RSF1: variants seen among roughly 807,000 people sequenced by gnomAD.
RSF1 encodes the protein HBV pX-associated protein 8.
RSF1 carries 13 observed loss-of-function variants against 145.2 expected under a neutral mutation model. The ratio of observed to expected loss-of-function variants is 0.09; its 90% CI spans 0.06 to 0.14. The LOEUF (loss-of-function observed/expected upper bound fraction) is 0.14. Among genes scored for constraint, RSF1 ranks in the 10% least tolerant of loss-of-function variants. The pLI is 1.00. For missense variants in RSF1, 1,517 were observed against 1,718.2 expected (o/e 0.88, Z 2.07); for synonymous variants, 577 against 592.6 (o/e 0.97, Z 0.38).
chr11:77,750,099 TA>T (rs796433231), intron 2 of RSF1, among the ~76,000 whole-genome samples: 1,453 of 144,086 alleles, frequency 0.01, 6 homozygotes, highest in Middle Eastern at 0.018. Flanking sequence ...CATTTGATGT[TA>T]AAAAAAAAAA....
Position 77,716,214 on chromosome 11 carries a change from C to T in RSF1, c.733+9331G>A, listed in dbSNP as rs550926698. On this transcript the variant is annotated intron_variant, in intron 5 of 15. Transcript: ENST00000308488. ...ACAGCCATATAGGAAACAGTATGGA[C>T]GTTCCTCAAAAAATTAAAAATATTA... Among the ~76,000 whole-genome samples, 7 of 151,864 alleles carry T rather than the reference C, an allele frequency of 4.6e-5. No individual in the cohort carries two copies. The South Asian group carries it at 8.3e-4, about 18-fold the overall frequency.
chr11:77,738,376 T>C (rs2135906927), intron 4 of RSF1, among the ~76,000 whole-genome samples: 1 of 152,294 alleles, frequency 6.6e-6, no homozygotes, highest in South Asian at 2.1e-4. Flanking sequence ...GTTAATACAA[T>C]AAAAATACAA....
rs115678098 is a variant in RSF1, at chr11:77,719,147, T to C, written c.733+6398A>G. On this transcript the variant is annotated intron_variant, in intron 5 of 15. Transcript: ENST00000308488. ...CTGTAGTCCCAGCGAGGCAGGAGGA[T>C]CCCTTGAGCCCAGGAAATGGAGGTT... Among the ~76,000 whole-genome samples the C allele has an allele frequency of 4.3e-3, 658 of 152,120 alleles. 4 individuals carry two copies. Among genetic ancestry groups the C allele is most frequent in the African/African-American group, 0.015 (623 of 41,486 alleles).
At chr11:77,804,673 G>GA (rs1311974830) in intron 1 of RSF1, among the ~76,000 whole-genome samples, 7 of 150,732 alleles carry the variant, frequency 4.6e-5, no homozygotes, top group East Asian at 3.9e-4. Flanking sequence ...TCCATCTCTA[G>GA]AAAAAAAAAA....
At chr11:77,792,395 G>A (rs1447082788) in intron 1 of RSF1, among the ~76,000 whole-genome samples, 3 of 152,114 alleles carry the variant, frequency 2.0e-5, no homozygotes, top group Non-Finnish European at 4.4e-5. Flanking sequence ...TGCCCTACTG[G>A]CATCTGAGTA....
chr11:77,797,599 T>C (rs1948585478), intron 1 of RSF1, among the ~76,000 whole-genome samples: 1 of 152,152 alleles, frequency 6.6e-6, no homozygotes, highest in East Asian at 1.9e-4. Flanking sequence ...GACATAGGCA[T>C]GGGCAAAGAC....
chr11:77,720,098 G>A (rs940182151), intron 5 of RSF1, among the ~76,000 whole-genome samples: 2 of 152,104 alleles, frequency 1.3e-5, no homozygotes, highest in African/African-American at 4.8e-5. Context: ...TCACTAAAAT[G>A]GTGAATTTTA....
chr11:77,753,290 A>G (rs1948082724), intron 2 of RSF1, among the ~76,000 whole-genome samples: 1 of 152,188 alleles, frequency 6.6e-6, no homozygotes, highest in African/African-American at 2.4e-5. Flanking sequence ...TAGCGAAAAA[A>G]TTATGACAAT....
intron 1 of RSF1, among the ~76,000 whole-genome samples, chr11:77,771,313 A>C (rs944463679): frequency 6.6e-6 from 1 of 152,228 alleles, no homozygotes; most frequent in Admixed American, 6.5e-5. Flanking sequence ...CACACGGTTA[A>C]AACCATCAGG....
At chr11:77,683,032 C>T (rs917167399) in intron 11 of RSF1, among the ~76,000 whole-genome samples, 1 of 152,000 alleles carries the variant, frequency 6.6e-6, no homozygotes, top group Non-Finnish European at 1.5e-5. Flanking sequence ...GTGGCTCATG[C>T]CTGTAATCCC....
At chr11:77,814,192 T>A (rs1290641440) in intron 1 of RSF1, among the ~76,000 whole-genome samples, 3 of 69,294 alleles carry the variant, frequency 4.3e-5, no homozygotes, top group Non-Finnish European at 7.8e-5. Context: ...AGAGCGAGAC[T>A]GTCTCAAAAA....
the RSF1 span, among the ~76,000 whole-genome samples, chr11:77,840,684 C>G: frequency 6.6e-6 from 1 of 152,182 alleles, no homozygotes; most frequent in Non-Finnish European, 1.5e-5. Context: ...GCTGGGATTA[C>G]AGGCATGAGC....
intron 1 of RSF1, among the ~76,000 whole-genome samples, chr11:77,780,802 G>C (rs896200256): frequency 6.9e-6 from 1 of 143,974 alleles, no homozygotes; most frequent in Non-Finnish European, 1.5e-5. Context: ...TACAGCCTGG[G>C]TGACAGAGCG....
chr11:77,667,887 T>G (rs1382753916), intron 15 of RSF1, among the ~76,000 whole-genome samples: 4 of 152,052 alleles, frequency 2.6e-5, no homozygotes, highest in Non-Finnish European at 5.9e-5. Flanking sequence ...GTATTTTTAG[T>G]AGAGACGGGG....
At chr11:77,704,359 C>T (rs1419301196) in intron 5 of RSF1, among the ~76,000 whole-genome samples, 1 of 152,122 alleles carries the variant, frequency 6.6e-6, no homozygotes, top group Non-Finnish European at 1.5e-5. Context: ...CAACCCAATA[C>T]TAAGTGTGGC....
Position 77,805,217 on chromosome 11 carries a change from C to T in RSF1, c.187+15311G>A, listed in dbSNP as rs73493884. ...CAGGGCACAGGCTCGTGCCTGTACT[C>T]CCCATGCTTTGGAGGCTGAGGTGGG... is the stretch of plus-strand genomic sequence containing the variant. On this transcript the variant is annotated intron_variant, in intron 1 of 15. Coordinates refer to ENST00000308488, the MANE Select transcript of RSF1 (RefSeq NM_016578.4). Among the ~76,000 whole-genome samples the T allele has an allele frequency of 1.8e-3, 272 of 152,184 alleles. 2 individuals carry two copies. Among genetic ancestry groups the T allele is most frequent in the Middle Eastern group, 6.8e-3 (2 of 294 alleles).
intron 1 of RSF1, among the ~76,000 whole-genome samples, chr11:77,812,460 G>T (rs1948740628): frequency 6.6e-6 from 1 of 152,112 alleles, no homozygotes; most frequent in African/African-American, 2.4e-5. Context: ...CTTTCTGGAG[G>T]AACTCTTGCT....
intron 1 of RSF1, among the ~76,000 whole-genome samples, chr11:77,802,771 G>A (rs954875531): frequency 5.3e-5 from 8 of 152,138 alleles, no homozygotes; most frequent in African/African-American, 9.6e-5. Flanking sequence ...GGCTGGTCTC[G>A]AACTCCTGAC....
rs1200223947 is a variant in RSF1, at chr11:77,733,767, GC to G, written c.578+6963del. On this transcript the variant is annotated intron_variant, in intron 4 of 15. Coordinates refer to ENST00000308488, the MANE Select transcript of RSF1 (RefSeq NM_016578.4). ...TGTAGAGACAGGGTTTCATCAAGTT[GC>G]CTAGGCAGGTCTCCAACTGCTGGGT... is the stretch of plus-strand genomic sequence containing the variant. Among the ~76,000 whole-genome samples the G allele has an allele frequency of 1.2e-4, 19 of 152,024 alleles. 1 individual carries two copies.
Sources: allele counts gnomAD v4.1 joint callset (sites outside exome capture counted in the v4.1 genomes callset), GRCh38; gene constraint gnomAD v4.1.1; transcripts MANE v1.5; gene names NCBI Gene and HGNC (gene_info 2026-07-23, HGNC 2026-07-21).